PTPRQ: variants seen among roughly 807,000 people sequenced by gnomAD.
PTPRQ encodes phosphatidylinositol phosphatase PTPRQ.
PTPRQ carries 199 observed loss-of-function variants against 246.0 expected under a neutral mutation model. That is an observed-to-expected ratio of 0.81 (90% CI 0.72 to 0.91). The LOEUF is 0.91. PTPRQ is among the 40% of genes least tolerant of loss of function. PTPRQ has a pLI of 0.00. For missense variants in PTPRQ, 2,624 were observed against 2,528.4 expected, an observed-to-expected ratio of 1.04 and a Z score of -0.81; for synonymous variants, 869 against 853.2, an observed-to-expected ratio of 1.02 and a Z score of -0.32.
At chr12:80,573,444 A>C (rs1219234634) in intron 25 of PTPRQ, among the ~76,000 whole-genome samples, 1 of 152,038 alleles carries the variant, frequency 6.6e-6, no homozygotes, top group African/African-American at 2.4e-5. Context: ...AGCCGAGATC[A>C]TGCCACTGCA....
intron 39 of PTPRQ, among the ~76,000 whole-genome samples, chr12:80,668,330 A>G (rs750190037): frequency 3.9e-5 from 6 of 151,940 alleles, no homozygotes; most frequent in Non-Finnish European, 7.4e-5. Context: ...GATTTAAGAC[A>G]GATCTCATGT....
intron 33 of PTPRQ, among the ~76,000 whole-genome samples, chr12:80,629,867 G>GA (rs1427497304): frequency 1.3e-5 from 2 of 151,986 alleles, no homozygotes; most frequent in African/African-American, 2.4e-5. Flanking sequence ...CATAAAACTA[G>GA]AAAAAATGGT....
chr12:80,610,332 A>C, intron 27 of PTPRQ, 107 bp from the exon 28 acceptor site: 4 of 857,170 alleles, frequency 4.7e-6, no homozygotes, highest in Non-Finnish European at 6.4e-6. Flanking sequence ...ATAAATAAAT[A>C]CAAATTTGGC....
Position 80,506,622 on chromosome 12 carries a change from G to T in PTPRQ, c.2509G>T (p.Gly837Cys), listed in dbSNP as rs779274263. ...TGAGGTGTCTGCTAGTACACTCAAA[G>T]GTGAAGGAGTTCGGAGTGCTCCCAT... ...IIEVSASTLK[G>C]EGVRSAPISI... is the part of the protein sequence containing the mutation. Residue 837 changes from glycine (G) to cysteine (C), a missense_variant, in exon 16 of 45, where the codon GGT becomes TGT. By Grantham distance (159) the Gly-to-Cys change is radical. Transcript: ENST00000644991. 1 of 1,543,556 alleles carries T rather than the reference G, an allele frequency of 6.5e-7. No homozygotes were observed. The highest frequency in any genetic ancestry group is 1.2e-5 in the South Asian group (1 of 83,328).
rs142557724 is a variant in PTPRQ at position 80,490,498 on chromosome 12, C to T, written c.1360-2777C>T. On this transcript the variant is annotated intron_variant, in intron 9 of 44. Coordinates refer to ENST00000644991, the MANE Select transcript of PTPRQ (RefSeq NM_001145026.2). ...GAATTCCTGGGCAGCATAGGCAAGG[C>T]CTTTCATGTTGACAAATTGTGACAT... is the stretch of plus-strand genomic sequence containing the variant. Among the ~76,000 whole-genome samples, 1,239 of 152,058 alleles carry T rather than the reference C, an allele frequency of 8.1e-3. 16 individuals carry two copies. Among genetic ancestry groups the T allele is most frequent in the African/African-American group, 0.028 (1,180 of 41,516 alleles).
chr12:80,543,680 G>C (rs1048111471), intron 23 of PTPRQ, among the ~76,000 whole-genome samples: 2 of 152,070 alleles, frequency 1.3e-5, no homozygotes, highest in African/African-American at 4.8e-5. Context: ...AGCATATGTA[G>C]TTTACAAATT....
At chr12:80,622,007 T>G (rs546711566) in intron 32 of PTPRQ, 54 bp from the exon 33 acceptor site, 1 of 1,137,214 alleles carries the variant, frequency 8.8e-7, no homozygotes, top group African/African-American at 1.7e-5. Context: ...GAGTTATTCA[T>G]AGGAAAAATC....
chr12:80,669,675 C>G (rs937205511), intron 41 of PTPRQ, among the ~76,000 whole-genome samples: 9 of 151,950 alleles, frequency 5.9e-5, no homozygotes, highest in Non-Finnish European at 1.3e-4. Flanking sequence ...TAGTTAAAGT[C>G]TGTATTAACC....
At chr12:80,523,186 A>G (rs1428543070) in intron 17 of PTPRQ, among the ~76,000 whole-genome samples, 6 of 152,190 alleles carry the variant, frequency 3.9e-5, no homozygotes, top group Non-Finnish European at 7.4e-5. Context: ...GGTAGTTTGT[A>G]TTTCTGTGGG....
chr12:80,649,920 C>A (rs767084543), intron 37 of PTPRQ, among the ~76,000 whole-genome samples: 2 of 152,106 alleles, frequency 1.3e-5, no homozygotes, highest in Non-Finnish European at 2.9e-5. Context: ...GGCAGCATGA[C>A]CTTGTCTATT....
intron 17 of PTPRQ, among the ~76,000 whole-genome samples, chr12:80,520,336 C>A (rs976239410): frequency 6.6e-6 from 1 of 151,926 alleles, no homozygotes; most frequent in Admixed American, 6.6e-5. Context: ...TATTTTATGT[C>A]TTTAATCACA....
intron 19 of PTPRQ, 21 bp downstream of exon 19, chr12:80,535,058 T>C (rs1230889501): frequency 6.8e-7 from 1 of 1,480,274 alleles, no homozygotes; most frequent in Non-Finnish European, 8.9e-7. Flanking sequence ...AATTTTCTTC[T>C]AGTTCTTTAT....
intron 14 of PTPRQ, among the ~76,000 whole-genome samples, chr12:80,500,746 A>C (rs763028453): frequency 6.6e-6 from 1 of 152,016 alleles, no homozygotes; most frequent in African/African-American, 2.4e-5. Context: ...ATGTTCTACC[A>C]CCGTACTAGG....
chr12:80,514,080 T>C (rs75404952), intron 17 of PTPRQ, among the ~76,000 whole-genome samples: 2,401 of 152,256 alleles, frequency 0.016, 61 homozygotes, highest in African/African-American at 0.055. Flanking sequence ...ATTCAGGTGT[T>C]GTCACCACTT....
At chr12:80,454,965 A>G (rs1303829724) in intron 3 of PTPRQ, among the ~76,000 whole-genome samples, 2 of 152,116 alleles carry the variant, frequency 1.3e-5, no homozygotes, top group East Asian at 3.9e-4. Flanking sequence ...TCACCTGAGG[A>G]GTTCAAGACC....
At chr12:80,509,750 A>C (rs890344623) in intron 16 of PTPRQ, among the ~76,000 whole-genome samples, 1 of 152,158 alleles carries the variant, frequency 6.6e-6, no homozygotes, top group Admixed American at 6.6e-5. Context: ...TACGTGCTAC[A>C]TTGGCATTTC....
chr12:80,484,516 A>G lies in PTPRQ; in HGVS notation c.1270A>G (p.Asn424Asp). 6.4e-7 allele frequency: 1 copy of G among 1,551,406 alleles called. No homozygotes were observed. Among genetic ancestry groups the G allele is most frequent in the Non-Finnish European group, 8.7e-7 (1 of 1,146,868 alleles). ...TACTTGGAAGAAACCACGACAACCA[A>G]ATGGAATTATTAACCAATACCGAGT... The part of the protein sequence containing the change: ...RITWKKPRQP[N>D]GIINQYRVKV... Residue 424 changes from asparagine to aspartate, a missense_variant, in exon 9 of 45, where the codon AAT (asparagine) becomes GAT (aspartate). By Grantham distance (23) the Asn-to-Asp change is conservative. Transcript: ENST00000644991.
Position 80,549,834 on chromosome 12 carries a change from C to T in PTPRQ, c.4285+100C>T, listed in dbSNP as rs996814057. On this transcript the variant is annotated intron_variant, in intron 25 of 44. Transcript: ENST00000644991. ...TTTATAGCATACTTATCTAAACATA[C>T]AAAGCACATATTAAAAAATACAACA... 2.9e-5 allele frequency: 41 copies of T among 1,404,422 alleles called. No individual in the cohort carries two copies. The African/African-American group carries it at 5.1e-4, about 17-fold the overall frequency. The allele number at this position is 1,404,422 out of a possible 1,614,324, so 87.0% of individuals were successfully genotyped here.
chr12:80,466,825 T>A (rs1893436476), intron 6 of PTPRQ, among the ~76,000 whole-genome samples: 1 of 152,072 alleles, frequency 6.6e-6, no homozygotes, highest in Admixed American at 6.6e-5. Flanking sequence ...TGAAACTGGA[T>A]CCCTTCCTTA....
Sources: gnomAD v4.1 joint callset for allele counts (sites outside exome capture counted in the v4.1 genomes callset) on GRCh38, gnomAD v4.1.1 for gene constraint, MANE v1.5 for transcripts, NCBI Gene and HGNC (gene_info 2026-07-23, HGNC 2026-07-21) for gene names.